SPOCK1: variants seen among roughly 807,000 people sequenced by gnomAD.
The protein encoded by SPOCK1 is testican-1.
A neutral mutation model predicts 55.3 loss-of-function variants in SPOCK1; 23 were observed. The ratio of observed to expected loss-of-function variants is 0.42; its 90% CI spans 0.30 to 0.59. SPOCK1 has a LOEUF of 0.59. Among genes scored for constraint, SPOCK1 ranks in the 20% least tolerant of loss-of-function variants. The pLI, the probability that SPOCK1 is intolerant of heterozygous loss-of-function variation, is 0.22. For synonymous variants in SPOCK1, 226 were observed against 221.0 expected, an observed-to-expected ratio of 1.02 and a Z score of -0.20; for missense variants, 499 against 552.5, an observed-to-expected ratio of 0.90 and a Z score of 0.97.
chr5:137,293,742 C>T (rs2905551), intron 2 of SPOCK1, among the ~76,000 whole-genome samples: 2 of 152,044 alleles, frequency 1.3e-5, no homozygotes, highest in Non-Finnish European at 2.9e-5. Context: ...ATGCACCGGG[C>T]GTGGTGGCTC....
At chr5:136,980,326 T>C (rs1750705169) in intron 9 of SPOCK1, among the ~76,000 whole-genome samples, 1 of 152,148 alleles carries the variant, frequency 6.6e-6, no homozygotes, top group Non-Finnish European at 1.5e-5. Context: ...AATCATATGG[T>C]TTTTATGCTT....
intron 2 of SPOCK1, among the ~76,000 whole-genome samples, chr5:137,455,854 C>T (rs1203299253): frequency 1.3e-5 from 2 of 152,002 alleles, no homozygotes; most frequent in African/African-American, 4.8e-5. Flanking sequence ...CATAACAAAA[C>T]TCCACCTCTG....
At chr5:137,418,660 C>CT (rs2149824649) in intron 2 of SPOCK1, among the ~76,000 whole-genome samples, 1 of 151,826 alleles carries the variant, frequency 6.6e-6, no homozygotes, top group African/African-American at 2.4e-5. Context: ...TTGTTTTTTT[C>CT]TTATAAATTT....
intron 3 of SPOCK1, among the ~76,000 whole-genome samples, chr5:137,178,333 C>G (rs1029328188): frequency 6.6e-6 from 1 of 152,240 alleles, no homozygotes; most frequent in African/African-American, 2.4e-5. Context: ...AATTTCCCAA[C>G]AATTCCAGTT....
At chr5:137,438,362 G>C (rs888667517) in intron 2 of SPOCK1, among the ~76,000 whole-genome samples, 2 of 152,080 alleles carry the variant, frequency 1.3e-5, no homozygotes, top group African/African-American at 2.4e-5. Flanking sequence ...ATATGGGAAA[G>C]GGAGAGGAAT....
At chr5:137,436,067 A>G (rs1262420998) in intron 2 of SPOCK1, among the ~76,000 whole-genome samples, 2 of 152,078 alleles carry the variant, frequency 1.3e-5, no homozygotes, top group Non-Finnish European at 2.9e-5. Flanking sequence ...TGAGGCAGGG[A>G]AAATTGCTTG....
chr5:137,434,605 T>C (rs1451688748), intron 2 of SPOCK1, among the ~76,000 whole-genome samples: 2 of 145,040 alleles, frequency 1.4e-5, no homozygotes, highest in East Asian at 2.3e-4. Flanking sequence ...GTTCACGTCA[T>C]TCTCCTGCCT....
At chr5:137,170,392 A>G (rs1473963486) in intron 3 of SPOCK1, among the ~76,000 whole-genome samples, 2 of 152,196 alleles carry the variant, frequency 1.3e-5, no homozygotes, top group African/African-American at 2.4e-5. Flanking sequence ...AAAGCAACCA[A>G]ATGAAGCAGG....
At chr5:137,223,737 A>G (rs1755899767) in intron 3 of SPOCK1, among the ~76,000 whole-genome samples, 3 of 152,212 alleles carry the variant, frequency 2.0e-5, no homozygotes, top group African/African-American at 7.2e-5. Flanking sequence ...AGCAAAGGTG[A>G]TGGTCTTGCC....
chr5:137,299,429 C>CAT (rs1358266113), intron 2 of SPOCK1, among the ~76,000 whole-genome samples: 1 of 151,752 alleles, frequency 6.6e-6, no homozygotes, highest in Non-Finnish European at 1.5e-5. Context: ...AAAATATATA[C>CAT]ATATATAGTC....
chr5:137,168,635 C>T (rs937101187), intron 3 of SPOCK1, among the ~76,000 whole-genome samples: 29 of 152,200 alleles, frequency 1.9e-4, no homozygotes, highest in South Asian at 4.2e-4. Flanking sequence ...CAGCGAAATG[C>T]AAATCAAAAC....
chr5:137,423,235 G>T (rs1752540255), intron 2 of SPOCK1, among the ~76,000 whole-genome samples: 1 of 152,198 alleles, frequency 6.6e-6, no homozygotes, highest in Admixed American at 6.5e-5. Flanking sequence ...AGGGGTCAGG[G>T]ACCCACTTGA....
intron 2 of SPOCK1, among the ~76,000 whole-genome samples, chr5:137,458,915 C>T (rs1753422409): frequency 6.6e-6 from 1 of 152,136 alleles, no homozygotes; most frequent in Non-Finnish European, 1.5e-5. Flanking sequence ...AGATGGGCCA[C>T]CAATTTGGAT....
chr5:137,239,560 G>A (rs1580823507), intron 3 of SPOCK1, among the ~76,000 whole-genome samples: 1 of 152,092 alleles, frequency 6.6e-6, no homozygotes, highest in African/African-American at 2.4e-5. Flanking sequence ...GTAGGATTGA[G>A]TCCTTTAATT....
At chr5:137,423,827 C>T (rs915570627) in intron 2 of SPOCK1, among the ~76,000 whole-genome samples, 1 of 152,226 alleles carries the variant, frequency 6.6e-6, no homozygotes, top group Non-Finnish European at 1.5e-5. Context: ...TGAGATGAAC[C>T]CAGTACCTCA....
intron 2 of SPOCK1, among the ~76,000 whole-genome samples, chr5:137,408,797 G>A (rs890977019): frequency 6.6e-6 from 1 of 152,206 alleles, no homozygotes. Flanking sequence ...GAAAGAACAT[G>A]AGACAGACCA....
chr5:137,442,518 G>A (rs1269424887), intron 2 of SPOCK1, among the ~76,000 whole-genome samples: 1 of 152,174 alleles, frequency 6.6e-6, no homozygotes, highest in Non-Finnish European at 1.5e-5. Flanking sequence ...AAATAAGATA[G>A]TGCGTGTACA....
At chr5:137,254,055 G>GGGAAT (rs1339396642) in intron 3 of SPOCK1, among the ~76,000 whole-genome samples, 1 of 152,156 alleles carries the variant, frequency 6.6e-6, no homozygotes, top group African/African-American at 2.4e-5. Flanking sequence ...ATTACAAACT[G>GGGAAT]GGAATTTCTC....
intron 2 of SPOCK1, among the ~76,000 whole-genome samples, chr5:137,497,847 A>AACACAC (rs113944229): frequency 9.4e-5 from 14 of 149,394 alleles, no homozygotes; most frequent in African/African-American, 3.4e-4. Context: ...CGCCTCCCTC[A>AACACAC]ACACACACAC....
Sources: gnomAD v4.1 joint callset for allele counts (sites outside exome capture counted in the v4.1 genomes callset) on GRCh38, gnomAD v4.1.1 for gene constraint, MANE v1.5 for transcripts, NCBI Gene and HGNC (gene_info 2026-07-23, HGNC 2026-07-21) for gene names.